DNAJC24: variants seen among roughly 807,000 people sequenced by gnomAD.
The protein encoded by DNAJC24 is DnaJ heat shock protein family (Hsp40) member C24.
In DNAJC24, 17 loss-of-function variants were observed where a neutral mutation model predicts 18.0. The observed-to-expected ratio is 0.94, with a 90% CI of 0.65 to 1.42. The LOEUF is 1.42. Among genes scored for constraint, DNAJC24 ranks in the 40% most tolerant of loss-of-function variants. DNAJC24 has a pLI of 0.00. For synonymous variants in DNAJC24, 55 were observed against 57.7 expected, an observed-to-expected ratio of 0.95 and a Z score of 0.21; for missense variants, 158 against 175.6, an observed-to-expected ratio of 0.90 and a Z score of 0.57.
At chr11:31,426,258 A>G (rs376051853) in intron 3 of DNAJC24, 29 bp from the exon 4 acceptor site, 158 of 1,377,390 alleles carry the variant, frequency 1.1e-4, no homozygotes, top group Non-Finnish European at 1.5e-4. Flanking sequence ...CATGTTTTAC[A>G]ATTAAGTGTC....
At chr11:31,396,150 T>G (rs1435941709) in intron 2 of DNAJC24, 1 of 339,282 alleles carries the variant, frequency 2.9e-6, no homozygotes, top group Non-Finnish European at 5.8e-6. Context: ...TTTTGCCAAA[T>G]GTAGTGGATT....
At chr11:31,388,852 T>G (rs1276136763) in intron 2 of DNAJC24, among the ~76,000 whole-genome samples, 1 of 151,882 alleles carries the variant, frequency 6.6e-6, no homozygotes, top group East Asian at 1.9e-4. Context: ...GAAACAAACA[T>G]TTAAAAAGCA....
At chr11:31,414,357 G>A (rs560987269) in intron 2 of DNAJC24, among the ~76,000 whole-genome samples, 8 of 152,242 alleles carry the variant, frequency 5.3e-5, no homozygotes, top group African/African-American at 9.6e-5. Context: ...TTAAAATTAC[G>A]ATTGTATAAT....
intron 3 of DNAJC24, among the ~76,000 whole-genome samples, 161 bp from the exon 4 acceptor site, chr11:31,426,126 G>A (rs1424970182): frequency 6.6e-6 from 1 of 152,142 alleles, no homozygotes; most frequent in African/African-American, 2.4e-5. Flanking sequence ...GCTAAAGTCA[G>A]GTTACTTTAA....
chr11:31,414,586 GC>G (rs1028483415), intron 2 of DNAJC24, among the ~76,000 whole-genome samples: 2 of 152,144 alleles, frequency 1.3e-5, no homozygotes, highest in African/African-American at 4.8e-5. Flanking sequence ...TGCTGTCTTT[GC>G]ACGTTGTGAC....
chr11:31,406,336 C>G (rs1952658360), intron 2 of DNAJC24, among the ~76,000 whole-genome samples: 1 of 152,168 alleles, frequency 6.6e-6, no homozygotes, highest in African/African-American at 2.4e-5. Context: ...TAAAATTTAT[C>G]TCTCCTCCTG....
At chr11:31,396,226 A>G (rs998303426) in intron 2 of DNAJC24, 3 of 448,958 alleles carry the variant, frequency 6.7e-6, no homozygotes, top group African/African-American at 4.0e-5. Context: ...GGGCAGGAGC[A>G]TGTCTTTCCT....
chr11:31,391,801 C>G (rs1185230561), intron 2 of DNAJC24, among the ~76,000 whole-genome samples: 1 of 152,160 alleles, frequency 6.6e-6, no homozygotes, highest in Non-Finnish European at 1.5e-5. Flanking sequence ...TATCTGCACT[C>G]CCATGTTTAT....
At chr11:31,402,746 G>A (rs754355286) in intron 2 of DNAJC24, among the ~76,000 whole-genome samples, 1 of 152,164 alleles carries the variant, frequency 6.6e-6, no homozygotes, top group Non-Finnish European at 1.5e-5. Flanking sequence ...CTGGCCTCAA[G>A]TGATCCTCCT....
chr11:31,405,500 GAC>G (rs556005301), intron 2 of DNAJC24, among the ~76,000 whole-genome samples: 8 of 151,424 alleles, frequency 5.3e-5, no homozygotes, highest in Admixed American at 2.0e-4. Context: ...ATTTATTTGA[GAC>G]AATTTTTTTG....
rs1242655040 is a variant in DNAJC24, at chr11:31,384,497, A to AG, written c.111+13640dup. ...GTTGAATTGTGCTGGATTTTGCTGAAGGAGAATAAAAAGGTTAAGAAGGAA... is the reference window on the plus strand; with the variant it reads ...GTTGAATTGTGCTGGATTTTGCTGAAGGGAGAATAAAAAGGTTAAGAAGGAA... On this transcript the variant is annotated intron_variant, in intron 2 of 4. Transcript: ENST00000465995. The AG allele has an allele frequency of 2.6e-5, 4 of 152,362 alleles. No individual in the cohort carries two copies. In the East Asian group the frequency reaches 7.7e-4, roughly 29 times the overall value. 9.4% of individuals were successfully genotyped at this position (152,362 alleles called of 1,614,324 possible). A position where few individuals can be genotyped will look rare whatever the true frequency, so the allele number is the denominator to read the frequency against.
intron 2 of DNAJC24, among the ~76,000 whole-genome samples, chr11:31,393,918 T>C (rs1453063705): frequency 6.6e-6 from 1 of 151,808 alleles, no homozygotes; most frequent in African/African-American, 2.4e-5. Context: ...CTAGGGGAAA[T>C]GTAGGGTTAC....
At chr11:31,406,099 CT>C (rs915477449) in intron 2 of DNAJC24, among the ~76,000 whole-genome samples, 2 of 149,558 alleles carry the variant, frequency 1.3e-5, no homozygotes, top group African/African-American at 4.9e-5. Context: ...GCTACAAATC[CT>C]TTTTTTTTTC....
intron 2 of DNAJC24, among the ~76,000 whole-genome samples, chr11:31,405,984 A>G: frequency 6.6e-6 from 1 of 152,234 alleles, no homozygotes; most frequent in Admixed American, 6.5e-5. Flanking sequence ...AGGGCAGAGC[A>G]GTCATGGCCC....
intron 2 of DNAJC24, among the ~76,000 whole-genome samples, chr11:31,401,943 A>AG (rs1952604897): frequency 6.6e-6 from 1 of 152,226 alleles, no homozygotes; most frequent in African/African-American, 2.4e-5. Flanking sequence ...AGTTGCCGTT[A>AG]CATTACGGAG....
At chr11:31,405,862 G>T (rs1472457122) in intron 2 of DNAJC24, among the ~76,000 whole-genome samples, 2 of 152,200 alleles carry the variant, frequency 1.3e-5, no homozygotes, top group East Asian at 1.9e-4. Flanking sequence ...GTTTACTGCT[G>T]TCCCATCCCA....
chr11:31,425,695 CT>C (rs1476283766), intron 3 of DNAJC24, among the ~76,000 whole-genome samples: 1 of 151,998 alleles, frequency 6.6e-6, no homozygotes, highest in Non-Finnish European at 1.5e-5. Flanking sequence ...TAATTACCTC[CT>C]AAAAGCCCTA....
chr11:31,397,472 TTG>T (rs1340699586), intron 2 of DNAJC24, among the ~76,000 whole-genome samples: 1 of 128,034 alleles, frequency 7.8e-6, no homozygotes, highest in Non-Finnish European at 1.6e-5. Flanking sequence ...GACTTTACCT[TTG>T]TGATTTTTTT....
chr11:31,416,758 T>C (rs1282591918), intron 3 of DNAJC24: 2 of 151,952 alleles, frequency 1.3e-5, no homozygotes, highest in Non-Finnish European at 2.9e-5. Flanking sequence ...CCAAAAGAAA[T>C]AGGAAACCAG....
Sources: allele counts gnomAD v4.1 joint callset (sites outside exome capture counted in the v4.1 genomes callset), GRCh38; gene constraint gnomAD v4.1.1; transcripts MANE v1.5; gene names NCBI Gene and HGNC (gene_info 2026-07-23, HGNC 2026-07-21).